The following EPSTI1 variants were observed in gnomAD, a reference collection of about 807,000 sequenced individuals.
The protein encoded by EPSTI1 is epithelial stromal interaction 1, also known as epithelial-stromal interaction protein 1.
Under a neutral mutation model 49.9 loss-of-function variants are expected in EPSTI1, and 66 were observed. That is an observed-to-expected ratio of 1.32 (90% confidence interval 1.08 to 1.62). EPSTI1 has a LOEUF of 1.62. Among genes scored for constraint, EPSTI1 ranks in the 40% most tolerant of loss-of-function variants. The pLI is 0.00. For synonymous variants in EPSTI1, 137 were observed against 130.7 expected (o/e 1.05, Z -0.33); for missense variants, 394 against 365.5 (o/e 1.08, Z -0.64).
Position 42,892,270 on chromosome 13 carries a change from A to T in EPSTI1, c.915+2739T>A, listed in dbSNP as rs987954494. On this transcript the variant is annotated intron_variant, in intron 10 of 10. Transcript: ENST00000313624. ...GGCGAAAGCCATTGGAGGGGTATGC[A>T]GAGTCAGAATCTGACTTCTGTCAGT... is the stretch of plus-strand genomic sequence containing the variant. Among the ~76,000 whole-genome samples the T allele has an allele frequency of 3.9e-5, 6 of 152,380 alleles. No homozygotes were observed. The East Asian group carries it at 1.2e-3, about 29-fold the overall frequency.
At chr13:42,982,813 C>A (rs760721134) in intron 1 of EPSTI1, among the ~76,000 whole-genome samples, 1 of 152,232 alleles carries the variant, frequency 6.6e-6, no homozygotes, top group Non-Finnish European at 1.5e-5. Flanking sequence ...CTCTGACCTT[C>A]CTCTAAGGTA....
intron 6 of EPSTI1, among the ~76,000 whole-genome samples, chr13:42,948,598 T>G (rs756863831): frequency 1.3e-5 from 2 of 151,978 alleles, no homozygotes; most frequent in Non-Finnish European, 2.9e-5. Context: ...CACCTCAGCT[T>G]CCCAAGGAGC....
chr13:42,920,858 T>TAG (rs2037971973), intron 7 of EPSTI1, among the ~76,000 whole-genome samples: 1 of 152,126 alleles, frequency 6.6e-6, no homozygotes, highest in African/African-American at 2.4e-5. Context: ...AAGTGATATA[T>TAG]ATATTTTTAA....
intron 6 of EPSTI1, among the ~76,000 whole-genome samples, chr13:42,928,209 A>G (rs1198246829): frequency 1.3e-5 from 2 of 152,218 alleles, no homozygotes; most frequent in East Asian, 3.8e-4. Context: ...CAAGTGATCA[A>G]CTATACAAAG....
rs150539659 is a variant in EPSTI1 at position 42,949,707 on chromosome 13, C to T, written c.563+4241G>A. Reference sequence around the variant, plus strand: ...TAAAATGTAGCCAATTCTTATATCTCGAGAAAATTCTTAAAAGAACACTTT... The same window carrying T: ...TAAAATGTAGCCAATTCTTATATCTTGAGAAAATTCTTAAAAGAACACTTT... On this transcript the variant is annotated intron_variant, in intron 6 of 10. Transcript: ENST00000313624. 6.6e-5 allele frequency among the ~76,000 whole-genome samples: 10 copies of T among 151,918 alleles called. No homozygotes were observed. In the East Asian group the frequency reaches 1.2e-3, roughly 18 times the overall value.
At chr13:42,951,743 C>T (rs529283460) in intron 6 of EPSTI1, among the ~76,000 whole-genome samples, 1 of 152,314 alleles carries the variant, frequency 6.6e-6, no homozygotes, top group East Asian at 1.9e-4. Flanking sequence ...AGAGAATGAA[C>T]CCATTCAACT....
chr13:42,933,468 T>C (rs1183814159), intron 6 of EPSTI1, among the ~76,000 whole-genome samples: 2 of 152,194 alleles, frequency 1.3e-5, no homozygotes, highest in Non-Finnish European at 2.9e-5. Context: ...GCAGACATCC[T>C]GTTTGCTCCC....
intron 8 of EPSTI1, among the ~76,000 whole-genome samples, chr13:42,901,839 A>C (rs983847712): frequency 3.3e-5 from 5 of 152,050 alleles, no homozygotes; most frequent in African/African-American, 4.8e-5. Context: ...ATATGTATAC[A>C]TGTGCCATGC....
At chr13:42,960,448 T>C (rs1490733140) in intron 5 of EPSTI1, among the ~76,000 whole-genome samples, 4 of 152,192 alleles carry the variant, frequency 2.6e-5, no homozygotes, top group Non-Finnish European at 5.9e-5. Context: ...GTAGACTGCT[T>C]TTTTACTCTA....
chr13:42,942,950 A>T (rs889228181), intron 6 of EPSTI1, among the ~76,000 whole-genome samples: 2 of 151,726 alleles, frequency 1.3e-5, no homozygotes, highest in African/African-American at 2.4e-5. Context: ...GGCCTCCCAA[A>T]GTGCTGGGAT....
At chr13:42,946,724 C>T (rs532434475) in intron 6 of EPSTI1, among the ~76,000 whole-genome samples, 1 of 152,328 alleles carries the variant, frequency 6.6e-6, no homozygotes, top group East Asian at 1.9e-4. Context: ...GCCTGTGTTT[C>T]TACAGTGCTC....
chr13:42,935,944 C>A (rs1420344102), intron 6 of EPSTI1, among the ~76,000 whole-genome samples: 1 of 152,174 alleles, frequency 6.6e-6, no homozygotes, highest in Non-Finnish European at 1.5e-5. Flanking sequence ...TCTCAGCTGA[C>A]AATCTCCTCA....
Position 42,969,174 on chromosome 13 carries a change from G to T in EPSTI1, c.251C>A (p.Ala84Glu), listed in dbSNP as rs370290510. ...CTCCAGGTTGGCCAGCTCCTGCTCCGCAACTAAGCCAGGCGAGAAATATCA... is the reference window on the plus strand; with the variant it reads ...CTCCAGGTTGGCCAGCTCCTGCTCCTCAACTAAGCCAGGCGAGAAATATCA... The part of the protein sequence containing the change: ...INRRNEIQRI[A>E]EQELANLEKW... Residue 84 changes from alanine to glutamate, a missense_variant, in exon 3 of 11, where the codon GCG becomes GAG. Ala to Glu is a moderately radical substitution (Grantham distance 107, BLOSUM62 -1). Transcript: ENST00000313624. 1.2e-6 allele frequency: 2 copies of T among 1,613,726 alleles called. No individual in the cohort carries two copies. Among genetic ancestry groups the T allele is most frequent in the Non-Finnish European group, 1.7e-6 (2 of 1,179,946 alleles).
chr13:42,957,435 G>C (rs190217809), intron 5 of EPSTI1, among the ~76,000 whole-genome samples: 1 of 152,338 alleles, frequency 6.6e-6, no homozygotes, highest in East Asian at 1.9e-4. Context: ...AGGCCCAGCA[G>C]TATCAGAGGA....
At chr13:42,895,771 G>T (rs894330873) in intron 9 of EPSTI1, among the ~76,000 whole-genome samples, 1 of 152,200 alleles carries the variant, frequency 6.6e-6, no homozygotes, top group African/African-American at 2.4e-5. Context: ...ACGTATGGCT[G>T]AGTAGAGTCA....
chr13:42,908,310 G>A (rs753829790), intron 8 of EPSTI1, among the ~76,000 whole-genome samples: 38 of 151,864 alleles, frequency 2.5e-4, no homozygotes, highest in Admixed American at 1.3e-4. Context: ...ATATGGCAAA[G>A]CCCCGTCTCT....
chr13:42,978,123 A>G (rs1309084776), intron 1 of EPSTI1, among the ~76,000 whole-genome samples: 1 of 152,050 alleles, frequency 6.6e-6, no homozygotes, highest in African/African-American at 2.4e-5. Context: ...ACTGCACTCC[A>G]GCCTGGGCCA....
intron 3 of EPSTI1, among the ~76,000 whole-genome samples, chr13:42,968,620 G>A (rs2039680726): frequency 6.6e-6 from 1 of 152,006 alleles, no homozygotes; most frequent in Non-Finnish European, 1.5e-5. Context: ...AAACACAGGT[G>A]ATGTTTCTCT....
rs2038024348 is a variant in EPSTI1 at position 42,922,241 on chromosome 13, A to C, written c.657+4095T>G. Among the ~76,000 whole-genome samples the C allele has an allele frequency of 6.6e-6, 1 of 152,254 alleles. No individual in the cohort carries two copies. The highest frequency in any genetic ancestry group is 1.5e-5 in the Non-Finnish European group (1 of 68,046). On this transcript the variant is annotated intron_variant, in intron 7 of 10. Transcript: ENST00000313624. The surrounding 1 kb of genome is among the most constrained non-coding windows in gnomAD (Gnocchi z 4.8). ...AAAAGAAACAGGTGGTGGGTTGCAT[A>C]ATGGCCCCCCAAAGACGTCCCAATC... is the stretch of plus-strand genomic sequence containing the variant.
Sources: gnomAD v4.1 joint callset for allele counts (sites outside exome capture counted in the v4.1 genomes callset) on GRCh38, gnomAD v4.1.1 for gene constraint, Gnocchi (gnomAD v3.1) non-coding constraint, MANE v1.5 for transcripts, NCBI Gene and HGNC (gene_info 2026-07-23, HGNC 2026-07-21) for gene names.